DDX60: variants seen among roughly 807,000 people sequenced by gnomAD.
The protein encoded by DDX60 is probable ATP-dependent RNA helicase DDX60.
DDX60 carries 165 observed loss-of-function variants against 212.8 expected under a neutral mutation model. The observed-to-expected ratio is 0.78, with a 90% CI of 0.68 to 0.88. The LOEUF is 0.88. Among genes scored for constraint, DDX60 ranks in the 40% least tolerant of loss-of-function variants. The probability of loss-of-function intolerance (pLI) is 0.00; values close to 1 mark genes in which losing one functional copy is unlikely to be tolerated. For missense variants in DDX60, 1,905 were observed against 2,003.9 expected (o/e 0.95, Z 0.94); for synonymous variants, 703 against 685.3 (o/e 1.03, Z -0.40).
At chr4:168,237,507 G>A (rs1733671833) in intron 31 of DDX60, 80 bp from the exon 32 acceptor site, 1 of 1,350,146 alleles carries the variant, frequency 7.4e-7, no homozygotes, top group Non-Finnish European at 1.0e-6. Context: ...GTTTAAAATA[G>A]TATTTAATGC....
intron 7 of DDX60, among the ~76,000 whole-genome samples, chr4:168,293,344 A>G (rs941471196): frequency 1.3e-5 from 2 of 152,198 alleles, no homozygotes; most frequent in African/African-American, 4.8e-5. Context: ...AGTTCAATCC[A>G]CCTTGCTATT....
At chr4:168,272,873 G>GATTT (rs1171894217) in intron 18 of DDX60, among the ~76,000 whole-genome samples, 1 of 152,290 alleles carries the variant, frequency 6.6e-6, no homozygotes, top group East Asian at 1.9e-4. Flanking sequence ...AACTGTCTAT[G>GATTT]ATTTAACACC....
rs1734262204 is a variant in DDX60 at position 168,252,675 on chromosome 4, T to C, written c.3558-19A>G. On this transcript the variant is annotated intron_variant, in intron 26 of 37. Coordinates refer to ENST00000393743, the MANE Select transcript of DDX60 (RefSeq NM_017631.6). ...TTCATCTCTGTTCATAAAAATAAAATTTTAATTAATGAAATTGTAAATAAT... is the reference window on the plus strand; with the variant it reads ...TTCATCTCTGTTCATAAAAATAAAACTTTAATTAATGAAATTGTAAATAAT... The C allele has an allele frequency of 6.4e-7, 1 of 1,559,106 alleles. No individual in the cohort carries two copies. The highest frequency in any genetic ancestry group is 8.7e-7 in the Non-Finnish European group (1 of 1,149,050).
intron 29 of DDX60, 101 bp from the exon 30 acceptor site, chr4:168,246,719 T>A: frequency 1.6e-6 from 2 of 1,222,118 alleles, no homozygotes; most frequent in Non-Finnish European, 2.3e-6. Flanking sequence ...ATGGAAATTG[T>A]GCATATGTCT....
intron 26 of DDX60, among the ~76,000 whole-genome samples, chr4:168,252,868 G>A (rs904608683): frequency 6.6e-6 from 1 of 152,044 alleles, no homozygotes; most frequent in Non-Finnish European, 1.5e-5. Context: ...GTAATGGCGT[G>A]ATCTCAGCTC....
intron 19 of DDX60, 128 bp downstream of exon 19, chr4:168,271,915 A>T: frequency 1.4e-6 from 1 of 708,742 alleles, no homozygotes; most frequent in Non-Finnish European, 2.3e-6. Flanking sequence ...ATCACTCAGG[A>T]AAAAAAAACG....
intron 18 of DDX60, among the ~76,000 whole-genome samples, chr4:168,272,426 A>T (rs1735143463): frequency 6.6e-6 from 1 of 152,238 alleles, no homozygotes; most frequent in Non-Finnish European, 1.5e-5. Context: ...TCATTGTCAC[A>T]AGTTTCATTC....
rs555616279 is a variant in DDX60, at chr4:168,259,662, G to C, written c.3398+1203C>G. The stretch of plus-strand genomic sequence containing the variant: ...AAAGTAAATAGAGTATTGTGTTCTA[G>C]TCCCAAACTATGTTACCAAAGTTAA... On this transcript the variant is annotated intron_variant, in intron 25 of 37. Coordinates refer to ENST00000393743, the MANE Select transcript of DDX60 (RefSeq NM_017631.6). Among the ~76,000 whole-genome samples the C allele has an allele frequency of 7.5e-4, 112 of 149,786 alleles. 1 individual carries two copies. The highest frequency in any genetic ancestry group is 1.3e-3 in the Admixed American group (20 of 14,872).
At chr4:168,268,088 T>G (rs1734929874) in intron 20 of DDX60, 105 bp from the exon 21 acceptor site, 1 of 969,390 alleles carries the variant, frequency 1.0e-6, no homozygotes, top group African/African-American at 1.7e-5. Context: ...TAAAGTGTAC[T>G]TAGGGGAATA....
chr4:168,273,504 G>A, intron 17 of DDX60, 106 bp from the exon 18 acceptor site: 2 of 1,381,220 alleles, frequency 1.4e-6, no homozygotes, highest in South Asian at 1.4e-5. Flanking sequence ...AGTGCAGAAA[G>A]CTTACTAACC....
intron 7 of DDX60, 104 bp downstream of exon 7, chr4:168,293,683 A>G: frequency 1.0e-6 from 1 of 1,000,152 alleles, no homozygotes. Context: ...TATAAATAAG[A>G]GAAAAACATG....
chr4:168,269,025 T>C, intron 19 of DDX60, 56 bp from the exon 20 acceptor site: 1 of 1,014,022 alleles, frequency 9.9e-7, no homozygotes, highest in Non-Finnish European at 1.4e-6. Flanking sequence ...AAATAGCAAA[T>C]GAAAGTTAAG....
chr4:168,285,263 A>T, intron 11 of DDX60, 130 bp downstream of exon 11: 2 of 659,678 alleles, frequency 3.0e-6, no homozygotes, highest in South Asian at 3.8e-5. Flanking sequence ...TTTGATTTTA[A>T]ATTCATTATG....
chr4:168,285,275 A>G (rs958315651), intron 11 of DDX60, 118 bp downstream of exon 11: 25 of 687,204 alleles, frequency 3.6e-5, no homozygotes, highest in Non-Finnish European at 6.2e-5. Context: ...TTCATTATGT[A>G]TTACAAACAC....
chr4:168,225,673 A>G lies in DDX60; in HGVS notation c.4537T>C (p.Phe1513Leu). The G allele has an allele frequency of 6.2e-7, 1 of 1,609,820 alleles. No individual in the cohort carries two copies. Among genetic ancestry groups the G allele is most frequent in the Non-Finnish European group, 8.5e-7 (1 of 1,178,386 alleles). Residue 1513 changes from phenylalanine to leucine, a missense_variant, in exon 34 of 38, where the codon TTC becomes CTC. By Grantham distance (22) the Phe-to-Leu change is conservative. Coordinates refer to ENST00000393743, the MANE Select transcript of DDX60 (RefSeq NM_017631.6). The stretch of plus-strand genomic sequence containing the variant: ...AAATCCTCAGGGAGATCATCAAGGA[A>G]CACCTAGAAGCCGAATAATTTTCAT... ...AHFEFYQSKV[F>L]LDDLPEDFSD...
intron 6 of DDX60, among the ~76,000 whole-genome samples, chr4:168,296,308 T>A (rs561766562): frequency 6.6e-6 from 1 of 152,164 alleles, no homozygotes; most frequent in South Asian, 2.1e-4. Context: ...TTAAAATTTT[T>A]AAAAAGAATA....
intron 20 of DDX60, 151 bp from the exon 21 acceptor site, chr4:168,268,134 A>C: frequency 1.7e-6 from 1 of 572,382 alleles, no homozygotes; most frequent in Non-Finnish European, 2.9e-6. Flanking sequence ...TTAAATCCCA[A>C]CCTTCTTAGT....
At chr4:168,246,741 A>G in intron 29 of DDX60, 123 bp from the exon 30 acceptor site, 1 of 959,084 alleles carries the variant, frequency 1.0e-6, no homozygotes, top group South Asian at 1.7e-5. Context: ...ACCATTAAGG[A>G]ACGGACACTA....
chr4:168,216,996 G>A lies in DDX60; in HGVS notation c.5076C>T (p.Asp1692=). The change falls in exon 38 of 38, where the codon GAC becomes GAT. Residue 1692 remains aspartate (D), a synonymous_variant. Transcript: ENST00000393743. ...GTTGTTCAAAGGCTAAGACAACGTTGTCGTCTTCATTTTCACATAGCTCAC... is the reference window on the plus strand; with the variant it reads ...GTTGTTCAAAGGCTAAGACAACGTTATCGTCTTCATTTTCACATAGCTCAC... ...SLRELCENED[D]NVVLAFEQLS... 3 of 1,605,708 alleles carry A rather than the reference G, an allele frequency of 1.9e-6. No individual in the cohort carries two copies. Among genetic ancestry groups the A allele is most frequent in the Non-Finnish European group, 1.7e-6 (2 of 1,177,464 alleles).
Sources: allele counts gnomAD v4.1 joint callset (sites outside exome capture counted in the v4.1 genomes callset), GRCh38; gene constraint gnomAD v4.1.1; transcripts MANE v1.5; gene names NCBI Gene and HGNC (gene_info 2026-07-23, HGNC 2026-07-21).